LRFN2: variants seen among roughly 807,000 people sequenced by gnomAD.
LRFN2 encodes leucine-rich repeat and fibronectin type-III domain-containing protein 2.
LRFN2 carries 18 observed loss-of-function variants against 37.3 expected under a neutral mutation model. The ratio of observed to expected loss-of-function variants is 0.48; its 90% confidence interval spans 0.33 to 0.72. The LOEUF (loss-of-function observed/expected upper bound fraction) is 0.72, where lower values mean the gene tolerates loss of function less well. Among genes scored for constraint, LRFN2 ranks in the 30% least tolerant of loss-of-function variants. LRFN2 has a pLI of 0.02. For synonymous variants in LRFN2, 556 were observed against 466.6 expected (o/e 1.19, Z -2.47); for missense variants, 1,006 against 1,060.7 (o/e 0.95, Z 0.72).
At chr6:40,552,506 G>A (rs1206726558) in intron 1 of LRFN2, among the ~76,000 whole-genome samples, 1 of 152,178 alleles carries the variant, frequency 6.6e-6, no homozygotes, top group African/African-American at 2.4e-5. Context: ...TACACATGTA[G>A]CTGAGCAGAC....
intron 2 of LRFN2, among the ~76,000 whole-genome samples, chr6:40,416,545 C>G (rs906603340): frequency 6.6e-6 from 1 of 152,194 alleles, no homozygotes; most frequent in East Asian, 1.9e-4. Context: ...GAGTAGCAAG[C>G]ATGAGCCCCA....
At chr6:40,478,264 C>A (rs1223219101) in intron 1 of LRFN2, among the ~76,000 whole-genome samples, 1 of 152,166 alleles carries the variant, frequency 6.6e-6, no homozygotes, top group African/African-American at 2.4e-5. Context: ...CTCAGAATAA[C>A]CCTAGGAGAC....
chr6:40,479,588 G>T (rs1764781706), intron 1 of LRFN2, among the ~76,000 whole-genome samples: 2 of 152,296 alleles, frequency 1.3e-5, no homozygotes, highest in South Asian at 4.1e-4. Flanking sequence ...TCCTGCTGTG[G>T]TCCCCTTTCC....
At chr6:40,455,539 G>A (rs1200198190) in intron 1 of LRFN2, among the ~76,000 whole-genome samples, 4 of 152,166 alleles carry the variant, frequency 2.6e-5, no homozygotes, top group Non-Finnish European at 1.5e-5. Flanking sequence ...TCCTAAAATG[G>A]AGATAAAAGT....
intron 1 of LRFN2, among the ~76,000 whole-genome samples, chr6:40,529,129 C>A (rs1184823148): frequency 6.6e-6 from 1 of 152,158 alleles, no homozygotes; most frequent in Non-Finnish European, 1.5e-5. Context: ...GTTCTGTACA[C>A]AAGCCTAAGC....
intron 1 of LRFN2, among the ~76,000 whole-genome samples, chr6:40,515,910 A>AAC (rs1765856397): frequency 6.6e-6 from 1 of 151,456 alleles, no homozygotes; most frequent in African/African-American, 2.4e-5. Flanking sequence ...AAAAAAAAAA[A>AAC]AAAAGAAGTC....
intron 1 of LRFN2, among the ~76,000 whole-genome samples, chr6:40,490,645 A>C (rs1477146582): frequency 6.6e-6 from 1 of 152,224 alleles, no homozygotes; most frequent in Admixed American, 6.5e-5. Context: ...AGGCCACAGC[A>C]TATGGCCCAC....
At chr6:40,437,752 G>A (rs1394858618) in intron 1 of LRFN2, among the ~76,000 whole-genome samples, 1 of 152,168 alleles carries the variant, frequency 6.6e-6, no homozygotes, top group Admixed American at 6.5e-5. Flanking sequence ...GTATATCTAG[G>A]TTGCAAGGGC....
chr6:40,486,451 AGTTAGTGGGGCTTTATGGCAGATTCTT>A (rs1297902577), intron 1 of LRFN2, among the ~76,000 whole-genome samples: 1 of 152,118 alleles, frequency 6.6e-6, no homozygotes, highest in Non-Finnish European at 1.5e-5. Flanking sequence ...GGAATTCGGC[AGTTAGTGGGGCTTTATGGCAGATTCTT>A]TCAGGGTTAT....
At chr6:40,481,920 G>A (rs1168016803) in intron 1 of LRFN2, among the ~76,000 whole-genome samples, 3 of 152,182 alleles carry the variant, frequency 2.0e-5, no homozygotes, top group Non-Finnish European at 2.9e-5. Flanking sequence ...GCTGTTCTAA[G>A]TGCTTTACAT....
chr6:40,581,644 T>C (rs1767405506), intron 1 of LRFN2, among the ~76,000 whole-genome samples: 1 of 152,208 alleles, frequency 6.6e-6, no homozygotes. Flanking sequence ...AAATCTTCAA[T>C]ACCTTTTTAG....
chr6:40,529,219 G>A (rs1766306627), intron 1 of LRFN2, among the ~76,000 whole-genome samples: 1 of 152,162 alleles, frequency 6.6e-6, no homozygotes, highest in Admixed American at 6.5e-5. Context: ...GCTGTGAGAG[G>A]TCAGCCAGCG....
At chr6:40,562,337 G>A (rs1314464883) in intron 1 of LRFN2, among the ~76,000 whole-genome samples, 2 of 152,058 alleles carry the variant, frequency 1.3e-5, no homozygotes, top group African/African-American at 4.8e-5. Context: ...CACAGAGGAG[G>A]GGCACCTGTC....
chr6:40,525,814 A>G (rs1360271348), intron 1 of LRFN2, among the ~76,000 whole-genome samples: 1 of 152,082 alleles, frequency 6.6e-6, no homozygotes, highest in African/African-American at 2.4e-5. Context: ...TACAACCTGG[A>G]CAATCTTGCT....
At chr6:40,572,664 G>T (rs902790589) in intron 1 of LRFN2, among the ~76,000 whole-genome samples, 3 of 152,210 alleles carry the variant, frequency 2.0e-5, no homozygotes, top group African/African-American at 7.2e-5. Context: ...TGTCCTTTCT[G>T]TTTATTTAGT....
chr6:40,427,234 G>T (rs572447875), intron 2 of LRFN2, among the ~76,000 whole-genome samples: 1 of 152,376 alleles, frequency 6.6e-6, no homozygotes, highest in South Asian at 2.1e-4. Context: ...TGTTGAGGCA[G>T]AAGCCAAAGG....
chr6:40,438,747 C>T (rs1431937274), intron 1 of LRFN2, among the ~76,000 whole-genome samples: 1 of 152,080 alleles, frequency 6.6e-6, no homozygotes, highest in Non-Finnish European at 1.5e-5. Flanking sequence ...GGAAGGGACG[C>T]TGGCATTCTC....
intron 1 of LRFN2, among the ~76,000 whole-genome samples, chr6:40,485,256 T>A (rs986625936): frequency 6.6e-6 from 1 of 152,136 alleles, no homozygotes; most frequent in Non-Finnish European, 1.5e-5. Context: ...ATCTATGAAC[T>A]TCCCCCTTCT....
intron 1 of LRFN2, among the ~76,000 whole-genome samples, chr6:40,549,918 T>C (rs566461882): frequency 3.3e-5 from 5 of 152,078 alleles, no homozygotes; most frequent in African/African-American, 1.2e-4. Context: ...TGCTTGCCTG[T>C]AGCTACCTGG....
Sources: gnomAD v4.1 joint callset for allele counts (sites outside exome capture counted in the v4.1 genomes callset) on GRCh38, gnomAD v4.1.1 for gene constraint, MANE v1.5 for transcripts, NCBI Gene and HGNC (gene_info 2026-07-23, HGNC 2026-07-21) for gene names.